SLC45A4: variants seen among roughly 807,000 people sequenced by gnomAD.
SLC45A4 encodes polyamine-transporter SLC45A4.
A neutral mutation model predicts 63.7 loss-of-function variants in SLC45A4; 32 were observed. The ratio of observed to expected loss-of-function variants is 0.50; its 90% CI spans 0.38 to 0.67. The LOEUF is 0.67. Among genes scored for constraint, SLC45A4 ranks in the 30% least tolerant of loss-of-function variants. The pLI, the probability that SLC45A4 is intolerant of heterozygous loss-of-function variation, is 0.00. For missense variants in SLC45A4, 1,027 were observed against 1,157.7 expected (o/e 0.89, Z 1.64); for synonymous variants, 535 against 510.0 (o/e 1.05, Z -0.66).
chr8:141,239,070 G>A (rs1827770513), intron 2 of SLC45A4, among the ~76,000 whole-genome samples: 1 of 152,224 alleles, frequency 6.6e-6, no homozygotes, highest in South Asian at 2.1e-4. Context: ...AGCCAGGGCT[G>A]CTGCCTGGGC....
intron 3 of SLC45A4, 99 bp from the exon 4 acceptor site, chr8:141,219,928 C>T (rs997371445): frequency 1.2e-5 from 14 of 1,195,574 alleles, no homozygotes; most frequent in African/African-American, 3.1e-5. Flanking sequence ...GGAGGGGGCA[C>T]GGCCACAAAA....
In SLC45A4 at chr8:141,212,246, T is replaced by G; in HGVS notation, c.2252A>C (p.Lys751Thr). 1 of 1,575,818 alleles carries G rather than the reference T, an allele frequency of 6.3e-7. No individual in the cohort carries two copies. Among genetic ancestry groups the G allele is most frequent in the South Asian group, 1.2e-5 (1 of 85,436 alleles). The change falls in exon 8 of 9, where the codon AAG becomes ACG. Residue 751 changes from lysine to threonine, a missense_variant. Coordinates refer to ENST00000517878, the MANE Select transcript of SLC45A4 (RefSeq NM_001286646.2). ...CTGCAGGCCCTCCTTCCGCGTGAGCTTCAGCACGGTGGGCTTTTCGCTGTT... is the reference window on the plus strand; with the variant it reads ...CTGCAGGCCCTCCTTCCGCGTGAGCGTCAGCACGGTGGGCTTTTCGCTGTT... Reference protein sequence around the residue: ...GGNSEKPTVLKLTRKEGLQGP... With the variant: ...GGNSEKPTVLTLTRKEGLQGP...
chr8:141,301,857 G>T (rs935784649), intron 1 of SLC45A4, among the ~76,000 whole-genome samples: 5 of 151,372 alleles, frequency 3.3e-5, no homozygotes, highest in African/African-American at 1.2e-4. Flanking sequence ...AGCTACTCAG[G>T]AGGCTGGAGA....
At position 141,254,066 on chromosome 8, in the gene SLC45A4, T is replaced by A; in HGVS notation, c.164A>T (p.His55Leu). 1 of 1,536,166 alleles carries A rather than the reference T, an allele frequency of 6.5e-7. No homozygotes were observed. Among genetic ancestry groups the A allele is most frequent in the Non-Finnish European group, 8.7e-7 (1 of 1,146,912 alleles). ...CTCCCTGCCAAACATCACCGCCCCG[T>A]GCATCACCCACAGGCGCATGGGGAT... ...DRIPMRLWVMHGAVMFGREFC... is the reference protein window; with the variant it reads ...DRIPMRLWVMLGAVMFGREFC... The change falls in exon 2 of 9, where the codon CAC becomes CTC. Residue 55 changes from histidine to leucine, a missense_variant. Transcript: ENST00000517878. The surrounding 1 kb of genome is among the most constrained non-coding windows in gnomAD (Gnocchi z 4.5).
Position 141,264,012 on chromosome 8 carries a change from T to C in SLC45A4, c.-400-9383A>G, listed in dbSNP as rs75163693. 7.0e-3 allele frequency among the ~76,000 whole-genome samples: 1,073 copies of C among 152,254 alleles called. 14 individuals carry two copies. The highest frequency in any genetic ancestry group is 0.025 in the African/African-American group (1,040 of 41,560). ...GGTGCCAGAAGAACCAGTCTGAGTATTTCTTCAGTTAAAGGGCCAAGGCTG... is the reference window on the plus strand; with the variant it reads ...GGTGCCAGAAGAACCAGTCTGAGTACTTCTTCAGTTAAAGGGCCAAGGCTG... On this transcript the variant is annotated intron_variant, in intron 1 of 8. Coordinates refer to ENST00000517878, the MANE Select transcript of SLC45A4 (RefSeq NM_001286646.2).
At chr8:141,285,637 C>T (rs1403996715) in intron 1 of SLC45A4, among the ~76,000 whole-genome samples, 3 of 152,206 alleles carry the variant, frequency 2.0e-5, no homozygotes, top group African/African-American at 2.4e-5. Flanking sequence ...CCCAAAGAGA[C>T]GCGCACCCCA....
chr8:141,305,159 A>C (rs542285515), intron 1 of SLC45A4, among the ~76,000 whole-genome samples: 54 of 152,342 alleles, frequency 3.5e-4, no homozygotes, highest in African/African-American at 1.2e-3. Flanking sequence ...GCACATTTTG[A>C]AAGTTTCACA....
At chr8:141,243,320 G>A (rs1036579670) in intron 2 of SLC45A4, among the ~76,000 whole-genome samples, 2 of 152,196 alleles carry the variant, frequency 1.3e-5, no homozygotes, top group African/African-American at 4.8e-5. Flanking sequence ...CCCCGCCGCA[G>A]CAAGCACGAA....
Position 141,254,572 on chromosome 8 carries a change from T to A in SLC45A4, c.-343A>T. The A allele has an allele frequency of 1.4e-6, 1 of 702,368 alleles. No individual in the cohort carries two copies. The highest frequency in any genetic ancestry group is 1.5e-5 in the South Asian group (1 of 67,578). 43.5% of individuals were successfully genotyped at this position (702,368 alleles called of 1,614,324 possible). A position where few individuals can be genotyped will look rare whatever the true frequency, so the allele number is the denominator to read the frequency against. ...AGTGATTTTTCTTGCTACAGAGAGG[T>A]GGGAAGGTGATACAAACAGGTGGTC... On this transcript the variant is annotated 5_prime_UTR_variant, in exon 2 of 9. Coordinates refer to ENST00000517878, the MANE Select transcript of SLC45A4 (RefSeq NM_001286646.2). The surrounding 1 kb of genome is among the most constrained non-coding windows in gnomAD (Gnocchi z 4.5).
chr8:141,292,466 G>A, intron 1 of SLC45A4, among the ~76,000 whole-genome samples: 1 of 152,268 alleles, frequency 6.6e-6, no homozygotes, highest in Admixed American at 6.5e-5. Flanking sequence ...CCCAGGGCGG[G>A]AGGCTGGCCA....
Position 141,212,453 on chromosome 8 carries a change from A to C in SLC45A4, c.2045T>G (p.Leu682Arg). The C allele has an allele frequency of 6.2e-7, 1 of 1,613,804 alleles. No individual in the cohort carries two copies. Among genetic ancestry groups the C allele is most frequent in the Admixed American group, 1.7e-5 (1 of 60,024 alleles). The change falls in exon 8 of 9, where the codon CTT becomes CGT. Residue 682 changes from leucine to arginine, a missense_variant. Coordinates refer to ENST00000517878, the MANE Select transcript of SLC45A4 (RefSeq NM_001286646.2). ...YISQILVASA[L>R]GGVVDAVGTV... ...CCCCACGGCGTCGACCACGCCCCCA[A>C]GGGCAGAGGCCACCAGGATCTGCGA...
chr8:141,241,605 C>G (rs544081112), intron 2 of SLC45A4, among the ~76,000 whole-genome samples: 2 of 152,118 alleles, frequency 1.3e-5, no homozygotes, highest in African/African-American at 4.8e-5. Context: ...CCTTTTGAGT[C>G]AGGTCTGGGA....
intron 1 of SLC45A4, among the ~76,000 whole-genome samples, chr8:141,283,740 C>T (rs1451343014): frequency 6.6e-6 from 1 of 152,192 alleles, no homozygotes; most frequent in Admixed American, 6.5e-5. Flanking sequence ...CCACGTGGAC[C>T]CAGAAGAATC....
intron 7 of SLC45A4, among the ~76,000 whole-genome samples, 168 bp from the exon 8 acceptor site, chr8:141,212,724 A>C (rs1825915557): frequency 6.6e-6 from 1 of 152,206 alleles, no homozygotes; most frequent in South Asian, 2.1e-4. Context: ...GCTCCTGTCC[A>C]GCACTGTACA....
chr8:141,295,149 G>A (rs919969472), intron 1 of SLC45A4, among the ~76,000 whole-genome samples: 6 of 152,240 alleles, frequency 3.9e-5, no homozygotes, highest in Admixed American at 6.5e-5. Context: ...TGTGGTCAGA[G>A]AGGAGCTGCC....
At chr8:141,213,529 A>C (rs1267710027) in intron 7 of SLC45A4, among the ~76,000 whole-genome samples, 4 of 152,286 alleles carry the variant, frequency 2.6e-5, no homozygotes, top group Non-Finnish European at 4.4e-5. Context: ...AAAATCTTTT[A>C]AAAGAAAACC....
At chr8:141,307,825 T>C (rs1354157742) in intron 1 of SLC45A4, among the ~76,000 whole-genome samples, 1 of 77,562 alleles carries the variant, frequency 1.3e-5, no homozygotes, top group Non-Finnish European at 2.6e-5. Flanking sequence ...GTGGGGGGAA[T>C]GAGGGAGGCT....
At chr8:141,217,406 C>T (rs915109263) in intron 5 of SLC45A4, among the ~76,000 whole-genome samples, 5 of 152,224 alleles carry the variant, frequency 3.3e-5, no homozygotes, top group African/African-American at 7.2e-5. Context: ...ACTCTGCCAC[C>T]GCGGCAAGAG....
In SLC45A4 at chr8:141,216,253, C is replaced by T. The variant is rs1032828944; in HGVS notation, c.1730-283G>A. On this transcript the variant is annotated intron_variant, in intron 6 of 8. Coordinates refer to ENST00000517878, the MANE Select transcript of SLC45A4 (RefSeq NM_001286646.2). ...CCTTCCTGCAGCTCCCAGGGGCCCCCTGCCCTGCCAGGCCAATCTGGGCCC... is the reference window on the plus strand; with the variant it reads ...CCTTCCTGCAGCTCCCAGGGGCCCCTTGCCCTGCCAGGCCAATCTGGGCCC... Among the ~76,000 whole-genome samples the T allele has an allele frequency of 2.0e-5, 3 of 152,246 alleles. 1 individual carries two copies. Among genetic ancestry groups the T allele is most frequent in the Admixed American group, 1.3e-4 (2 of 15,294 alleles).
Sources: allele counts gnomAD v4.1 joint callset (sites outside exome capture counted in the v4.1 genomes callset), GRCh38; gene constraint gnomAD v4.1.1; non-coding constraint Gnocchi (gnomAD v3.1); transcripts MANE v1.5; gene names NCBI Gene and HGNC (gene_info 2026-07-23, HGNC 2026-07-21).